The following AGTPBP1 variants were observed in gnomAD, a reference collection of about 807,000 sequenced individuals.
AGTPBP1 encodes the protein ATP/GTP binding carboxypeptidase 1.
In AGTPBP1, 70 loss-of-function variants were observed where a neutral mutation model predicts 143.9. That is an observed-to-expected ratio of 0.49 (90% CI 0.40 to 0.59). The LOEUF (loss-of-function observed/expected upper bound fraction) is 0.59, where lower values mean the gene tolerates loss of function less well. Among genes scored for constraint, AGTPBP1 ranks in the 20% least tolerant of loss-of-function variants. The probability of loss-of-function intolerance (pLI) is 0.00; values close to 1 mark genes in which losing one functional copy is unlikely to be tolerated. For missense variants in AGTPBP1, 1,229 were observed against 1,464.5 expected (o/e 0.84, Z 2.62); for synonymous variants, 463 against 500.2 (o/e 0.93, Z 0.99).
At chr9:85,668,991 G>A (rs1587862115) in intron 8 of AGTPBP1, among the ~76,000 whole-genome samples, 1 of 85,272 alleles carries the variant, frequency 1.2e-5, no homozygotes, top group East Asian at 2.3e-4. Context: ...GTGTGTGTGT[G>A]TGTGTGTGTG....
At chr9:85,618,888 C>T (rs1830746929) in intron 17 of AGTPBP1, 95 bp downstream of exon 17, 1 of 1,341,398 alleles carries the variant, frequency 7.5e-7, no homozygotes, top group African/African-American at 1.5e-5. Flanking sequence ...GACACTGAAA[C>T]ATTTTTTAAA....
chr9:85,758,782 C>T, the AGTPBP1 span, among the ~76,000 whole-genome samples: 2 of 151,968 alleles, frequency 1.3e-5, no homozygotes, highest in African/African-American at 4.8e-5. Context: ...AATGGGAATT[C>T]CAGAAAGATA....
chr9:85,640,858 C>T (rs1335460927), intron 13 of AGTPBP1, among the ~76,000 whole-genome samples: 1 of 152,200 alleles, frequency 6.6e-6, no homozygotes, highest in Non-Finnish European at 1.5e-5. Context: ...TCTGTAATCA[C>T]ATGAGAGTAG....
intron 25 of AGTPBP1, among the ~76,000 whole-genome samples, chr9:85,564,498 C>T (rs771243537): frequency 2.0e-5 from 3 of 152,186 alleles, no homozygotes; most frequent in Admixed American, 1.3e-4. Context: ...TTTCAGTCAA[C>T]GATGTAATGC....
At chr9:85,633,758 T>C (rs1194463190) in intron 13 of AGTPBP1, among the ~76,000 whole-genome samples, 1 of 152,046 alleles carries the variant, frequency 6.6e-6, no homozygotes, top group African/African-American at 2.4e-5. Flanking sequence ...CTTAAGACAC[T>C]TAAAAAAACA....
At chr9:85,765,094 T>G in the AGTPBP1 span, 109 of 510,568 alleles carry the variant, frequency 2.1e-4, no homozygotes, top group East Asian at 3.2e-4. Context: ...AAACCACGCT[T>G]GACTAGAGAC....
intron 7 of AGTPBP1, among the ~76,000 whole-genome samples, chr9:85,670,677 T>C (rs1834425545): frequency 6.6e-6 from 1 of 152,142 alleles, no homozygotes; most frequent in African/African-American, 2.4e-5. Context: ...CAGCCTGAGA[T>C]GTATAGCAAG....
chr9:85,648,551 A>C (rs1263659599), intron 11 of AGTPBP1, among the ~76,000 whole-genome samples: 2 of 152,202 alleles, frequency 1.3e-5, no homozygotes, highest in African/African-American at 4.8e-5. Context: ...GGTGGTTCAC[A>C]CCTGTAATCC....
At chr9:85,623,869 A>G (rs1459760965) in intron 14 of AGTPBP1, among the ~76,000 whole-genome samples, 1 of 152,162 alleles carries the variant, frequency 6.6e-6, no homozygotes, top group East Asian at 1.9e-4. Context: ...CCAGCCACCT[A>G]TTGAAATACA....
intron 17 of AGTPBP1, among the ~76,000 whole-genome samples, chr9:85,602,807 C>T (rs1041951180): frequency 1.3e-5 from 2 of 152,178 alleles, no homozygotes; most frequent in African/African-American, 4.8e-5. Context: ...CTCCCGCAGT[C>T]CAGCCCCAGT....
chr9:85,611,304 G>T (rs974721326), intron 17 of AGTPBP1, among the ~76,000 whole-genome samples: 1 of 150,966 alleles, frequency 6.6e-6, no homozygotes, highest in Non-Finnish European at 1.5e-5. Context: ...ATTTTAAACA[G>T]GTTAAACTCC....
At chr9:85,624,148 AT>A (rs998132012) in intron 14 of AGTPBP1, among the ~76,000 whole-genome samples, 2 of 152,228 alleles carry the variant, frequency 1.3e-5, no homozygotes, top group Admixed American at 1.3e-4. Flanking sequence ...TTGTAAGAAC[AT>A]TATGGGAAAT....
chr9:85,660,354 G>GA (rs1232795419), intron 9 of AGTPBP1, among the ~76,000 whole-genome samples: 1 of 151,938 alleles, frequency 6.6e-6, no homozygotes, highest in African/African-American at 2.4e-5. Context: ...ATCTTGGAGA[G>GA]AAAAAATATA....
At chr9:85,670,397 T>A (rs1024774334) in intron 7 of AGTPBP1, among the ~76,000 whole-genome samples, 2 of 152,166 alleles carry the variant, frequency 1.3e-5, no homozygotes, top group Admixed American at 1.3e-4. Context: ...AAGCTGGTTT[T>A]GAAAGACACA....
At chr9:85,658,672 T>C (rs1587843653) in intron 9 of AGTPBP1, among the ~76,000 whole-genome samples, 1 of 152,152 alleles carries the variant, frequency 6.6e-6, no homozygotes, top group African/African-American at 2.4e-5. Flanking sequence ...TGATTTTAGC[T>C]GCCTGAATTA....
At chr9:85,788,658 A>G in the AGTPBP1 span, among the ~76,000 whole-genome samples, 2 of 149,532 alleles carry the variant, frequency 1.3e-5, no homozygotes, top group Non-Finnish European at 3.0e-5. Context: ...ACACTTGTAT[A>G]TATATAGTAT....
chr9:85,572,004 G>GTTTTTTTT lies in AGTPBP1; in HGVS notation c.3503+3303_3503+3310dup, dbSNP rs55882437. Among the ~76,000 whole-genome samples the GTTTTTTTT allele has an allele frequency of 2.3e-3, 100 of 43,446 alleles. 16 individuals carry two copies. The highest frequency in any genetic ancestry group is 3.5e-3 in the Non-Finnish European group (70 of 19,956). The allele number at this position is 43,446 out of a possible 152,430, so 28.5% of individuals were successfully genotyped here. On this transcript the variant is annotated intron_variant, in intron 25 of 25. Coordinates refer to ENST00000357081, the MANE Select transcript of AGTPBP1 (RefSeq NM_001330701.2). ...TGGCCATTATTAGTTGTTTGTGTGT[G>GTTTTTTTT]TTTTTTTTTTTTTTTTTTTTTTTTT...
At position 85,715,430 on chromosome 9, in the gene AGTPBP1, C is replaced by G. The variant is rs149905730; in HGVS notation, c.-33-2864G>C. Among the ~76,000 whole-genome samples, 196 of 152,152 alleles carry G rather than the reference C, an allele frequency of 1.3e-3. 1 individual carries two copies. The highest frequency in any genetic ancestry group is 4.6e-3 in the African/African-American group (192 of 41,520). Reference sequence around the variant, plus strand: ...ACCTAGCACTCAGAAACAAGGACGACAGAGGAAGACTACAAAACAGGGCTA... The same window carrying G: ...ACCTAGCACTCAGAAACAAGGACGAGAGAGGAAGACTACAAAACAGGGCTA... On this transcript the variant is annotated intron_variant, in intron 1 of 25. Coordinates refer to ENST00000357081, the MANE Select transcript of AGTPBP1 (RefSeq NM_001330701.2).
At position 85,712,585 on chromosome 9, in the gene AGTPBP1, T is replaced by A; in HGVS notation, c.-33-19A>T. 7.8e-7 allele frequency: 1 copy of A among 1,284,070 alleles called. No homozygotes were observed. The highest frequency in any genetic ancestry group is 1.1e-6 in the Non-Finnish European group (1 of 939,734). 79.5% of individuals were successfully genotyped at this position (1,284,070 alleles called of 1,614,324 possible). ...AGATAATCTAAAAGAAAAATGTTAA[T>A]GATATTAAAAACTTATAACTCTTTT... On this transcript the variant is annotated intron_variant, in intron 1 of 25. Coordinates refer to ENST00000357081, the MANE Select transcript of AGTPBP1 (RefSeq NM_001330701.2).
Sources: allele counts gnomAD v4.1 joint callset (sites outside exome capture counted in the v4.1 genomes callset), GRCh38; gene constraint gnomAD v4.1.1; transcripts MANE v1.5; gene names NCBI Gene and HGNC (gene_info 2026-07-23, HGNC 2026-07-21).